The following ACER2 variants were observed in gnomAD, a reference collection of about 807,000 sequenced individuals.
ACER2 encodes the protein alkCDase 2.
In ACER2, 26 loss-of-function variants were observed where a neutral mutation model predicts 34.7. That is an observed-to-expected ratio of 0.75 (90% CI 0.55 to 1.04). The LOEUF (loss-of-function observed/expected upper bound fraction) is 1.04. ACER2 is among the 50% of genes least tolerant of loss of function. The pLI, the probability that ACER2 is intolerant of heterozygous loss-of-function variation, is 0.00. For missense variants in ACER2, 352 were observed against 340.8 expected (o/e 1.03, Z -0.26); for synonymous variants, 138 against 132.1 (o/e 1.04, Z -0.31).
At chr9:19,413,203 G>T (rs1199143592) in intron 1 of ACER2, among the ~76,000 whole-genome samples, 1 of 152,206 alleles carries the variant, frequency 6.6e-6, no homozygotes, top group Non-Finnish European at 1.5e-5. Flanking sequence ...TCTCTTCCAT[G>T]AACATGTAAT....
intron 1 of ACER2, among the ~76,000 whole-genome samples, chr9:19,417,279 A>T (rs1337823023): frequency 1.3e-5 from 2 of 152,236 alleles, no homozygotes; most frequent in African/African-American, 4.8e-5. Context: ...AATCAAAATC[A>T]TGAAAATGGC....
At chr9:19,439,469 A>G (rs1273225228) in intron 4 of ACER2, among the ~76,000 whole-genome samples, 2 of 151,806 alleles carry the variant, frequency 1.3e-5, no homozygotes. Context: ...CCTCCCCAGT[A>G]GAGTAGTTGG....
At chr9:19,434,760 C>T (rs562495367) in intron 3 of ACER2, among the ~76,000 whole-genome samples, 187 bp from the exon 4 acceptor site, 2 of 141,458 alleles carry the variant, frequency 1.4e-5, no homozygotes, top group East Asian at 4.0e-4. Flanking sequence ...GAGGGAGACC[C>T]TCTCTTTTTT....
intron 3 of ACER2, among the ~76,000 whole-genome samples, chr9:19,429,872 T>A (rs1334909580): frequency 6.6e-6 from 1 of 152,170 alleles, no homozygotes; most frequent in Non-Finnish European, 1.5e-5. Flanking sequence ...GACCAAATGC[T>A]ATATTGCTGT....
At chr9:19,437,304 C>A (rs953716875) in intron 4 of ACER2, among the ~76,000 whole-genome samples, 3 of 152,130 alleles carry the variant, frequency 2.0e-5, no homozygotes, top group South Asian at 2.1e-4. Flanking sequence ...TCTTAGAGTC[C>A]CCAAATGATT....
intron 3 of ACER2, among the ~76,000 whole-genome samples, chr9:19,434,132 A>G (rs1589054078): frequency 2.2e-5 from 3 of 136,898 alleles, no homozygotes; most frequent in African/African-American, 8.5e-5. Context: ...CACATCCCAG[A>G]CAGGGCGGCG....
chr9:19,431,359 C>T (rs536652328), intron 3 of ACER2, among the ~76,000 whole-genome samples: 3 of 152,308 alleles, frequency 2.0e-5, no homozygotes, highest in Admixed American at 1.3e-4. Flanking sequence ...ATATCGGTCT[C>T]ACTGGAACAC....
At chr9:19,433,816 GC>G (rs1241927285) in intron 3 of ACER2, among the ~76,000 whole-genome samples, 2 of 152,014 alleles carry the variant, frequency 1.3e-5, no homozygotes, top group Admixed American at 6.5e-5. Flanking sequence ...GGACGGGGCG[GC>G]TGGCCGGGCA....
At chr9:19,425,680 A>C (rs2132480347) in intron 3 of ACER2, among the ~76,000 whole-genome samples, 1 of 152,342 alleles carries the variant, frequency 6.6e-6, no homozygotes, top group South Asian at 2.1e-4. Context: ...GAGTTTGGTC[A>C]GAGAAAGTCT....
intron 4 of ACER2, among the ~76,000 whole-genome samples, chr9:19,443,171 C>T (rs1354369138): frequency 6.6e-6 from 1 of 152,222 alleles, no homozygotes; most frequent in Non-Finnish European, 1.5e-5. Flanking sequence ...GCTGGGACTT[C>T]AGGTGCCTGC....
intron 1 of ACER2, chr9:19,409,920 A>T (rs1830038375): frequency 1.0e-6 from 1 of 985,222 alleles, no homozygotes; most frequent in African/African-American, 1.7e-5. Flanking sequence ...GTGAGCAGAA[A>T]CTTCCCCATT....
intron 4 of ACER2, among the ~76,000 whole-genome samples, chr9:19,438,329 G>T (rs566399588): frequency 1.3e-4 from 20 of 152,302 alleles, no homozygotes; most frequent in Admixed American, 1.2e-3. Flanking sequence ...CTATGTTTCA[G>T]CAAGTATAGC....
chr9:19,433,554 C>G (rs1471985239), intron 3 of ACER2, among the ~76,000 whole-genome samples: 2 of 152,190 alleles, frequency 1.3e-5, no homozygotes, highest in Non-Finnish European at 2.9e-5. Flanking sequence ...ATGTCTACCT[C>G]TTTCTACACA....
chr9:19,409,782 C>G (rs556300242), intron 1 of ACER2: 1 of 985,076 alleles, frequency 1.0e-6, no homozygotes, highest in Non-Finnish European at 1.2e-6. Context: ...AGTGTCCTGT[C>G]TTGTGCAAGC....
chr9:19,416,353 C>T (rs1319966523), intron 1 of ACER2, among the ~76,000 whole-genome samples: 2 of 151,978 alleles, frequency 1.3e-5, no homozygotes, highest in African/African-American at 2.4e-5. Flanking sequence ...GGAGTTAAGC[C>T]AAGGAGGTCA....
At chr9:19,443,151 C>T (rs1206651788) in intron 4 of ACER2, among the ~76,000 whole-genome samples, 1 of 152,234 alleles carries the variant, frequency 6.6e-6, no homozygotes, top group Non-Finnish European at 1.5e-5. Context: ...CTGCTTCAGT[C>T]TCCGGAGTAG....
chr9:19,450,135 G>T, intron 5 of ACER2: 2 of 931,522 alleles, frequency 2.1e-6, no homozygotes, highest in African/African-American at 1.8e-5. Context: ...TTCCATCTTA[G>T]CATCTCTGTT....
intron 4 of ACER2, among the ~76,000 whole-genome samples, chr9:19,441,730 C>A (rs1428227471): frequency 2.6e-5 from 4 of 152,148 alleles, no homozygotes; most frequent in African/African-American, 4.8e-5. Flanking sequence ...TTCACATAGG[C>A]AGGGACGGGG....
At chr9:19,450,308 C>G (rs1364631539) in intron 5 of ACER2, 142 bp from the exon 6 acceptor site, 17 of 1,318,078 alleles carry the variant, frequency 1.3e-5, no homozygotes, top group Non-Finnish European at 1.6e-5. Context: ...TAATCTTCAT[C>G]CTTTCCTAAT....
Sources: allele counts gnomAD v4.1 joint callset (sites outside exome capture counted in the v4.1 genomes callset), GRCh38; gene constraint gnomAD v4.1.1; transcripts MANE v1.5; gene names NCBI Gene and HGNC (gene_info 2026-07-23, HGNC 2026-07-21).